Variants in STYXL2 observed in about 807,000 individuals in gnomAD.
The protein encoded by STYXL2 is serine/threonine/tyrosine interacting like 2.
In STYXL2, 44 loss-of-function variants were observed where a neutral mutation model predicts 52.4. The observed-to-expected ratio is 0.84, with a 90% CI of 0.66 to 1.08. The LOEUF (loss-of-function observed/expected upper bound fraction) is 1.08, where lower values mean the gene tolerates loss of function less well. STYXL2 is among the 50% of genes least tolerant of loss of function. The probability of loss-of-function intolerance (pLI) is 0.00; values close to 1 mark genes in which losing one functional copy is unlikely to be tolerated. For synonymous variants in STYXL2, 604 were observed against 586.9 expected (o/e 1.03, Z -0.42); for missense variants, 1,604 against 1,471.7 (o/e 1.09, Z -1.47).
chr1:167,104,437 A>T (rs996148673), intron 2 of STYXL2, among the ~76,000 whole-genome samples: 1 of 152,036 alleles, frequency 6.6e-6, no homozygotes, highest in African/African-American at 2.4e-5. Context: ...CCTTCAGTGA[A>T]TTTCTTTAAC....
Position 167,128,145 on chromosome 1 carries a change from C to T in STYXL2, c.3014C>T (p.Ser1005Leu). 3 of 1,614,222 alleles carry T rather than the reference C, an allele frequency of 1.9e-6. No individual in the cohort carries two copies. Among genetic ancestry groups the T allele is most frequent in the Non-Finnish European group, 2.5e-6 (3 of 1,180,040 alleles). The change falls in exon 6 of 6, where the codon TCA (serine) becomes TTA (leucine). Residue 1005 changes from serine to leucine, a missense_variant. By Grantham distance (145) the Ser-to-Leu change is moderately radical. Coordinates refer to ENST00000361200, the MANE Select transcript of STYXL2 (RefSeq NM_001080426.3). ...EANGNSVRST[S>L]RFSSSSTREG... ...AATGGCAACTCTGTAAGAAGCACTT[C>T]ACGGTTCTCATCTTCCTCCACCAGG...
In STYXL2 at chr1:167,128,058, C is replaced by A. The variant is rs911316197; in HGVS notation, c.2927C>A (p.Ser976Tyr). The change falls in exon 6 of 6, where the codon TCC becomes TAC. Residue 976 changes from serine (S) to tyrosine (Y), a missense_variant. By Grantham distance (144) the Ser-to-Tyr change is moderately radical (BLOSUM62 -2). Transcript: ENST00000361200. Reference sequence around the variant, plus strand: ...CTCAGGGAGACAGAGTCTAAATCCTCCAGTTACAAGTTTTCCAAATCCCAG... The same window carrying A: ...CTCAGGGAGACAGAGTCTAAATCCTACAGTTACAAGTTTTCCAAATCCCAG... ...SLLRETESKS[S>Y]SYKFSKSQSE... 1 of 1,614,190 alleles carries A rather than the reference C, an allele frequency of 6.2e-7. No homozygotes were observed. Among genetic ancestry groups the A allele is most frequent in the Admixed American group, 1.7e-5 (1 of 60,030 alleles).
Position 167,126,932 on chromosome 1 carries a change from G to A in STYXL2, c.1801G>A (p.Gly601Ser). Residue 601 changes from glycine to serine, a missense_variant, in exon 6 of 6, where the codon GGC becomes AGC. Coordinates refer to ENST00000361200, the MANE Select transcript of STYXL2 (RefSeq NM_001080426.3). ...GAAGCTGAAACACCAGAAGAAGGTG[G>A]GCAGTGAGAACAAGGAGGAGGTGGT... The part of the protein sequence containing the change: ...AWKLKHQKKV[G>S]SENKEEVVEL... 1 of 1,611,670 alleles carries A rather than the reference G, an allele frequency of 6.2e-7. No homozygotes were observed. Among genetic ancestry groups the A allele is most frequent in the Non-Finnish European group, 8.5e-7 (1 of 1,178,826 alleles).
chr1:167,122,903 G>C (rs902992180), intron 5 of STYXL2, among the ~76,000 whole-genome samples: 7 of 152,166 alleles, frequency 4.6e-5, no homozygotes, highest in Non-Finnish European at 7.4e-5. Context: ...CTGATCTCAA[G>C]TGATCCACCA....
chr1:167,122,667 T>G (rs912184633), intron 5 of STYXL2, among the ~76,000 whole-genome samples: 3 of 152,058 alleles, frequency 2.0e-5, no homozygotes, highest in African/African-American at 7.2e-5. Context: ...AAAAAATTTT[T>G]TTTTGAAGGT....
rs1571352172 is a variant in STYXL2, at chr1:167,128,771, T to C, written c.*163T>C. 1 of 1,200,434 alleles carries C rather than the reference T, an allele frequency of 8.3e-7. No individual in the cohort carries two copies. Among genetic ancestry groups the C allele is most frequent in the Non-Finnish European group, 1.1e-6 (1 of 891,574 alleles). The allele number at this position is 1,200,434 out of a possible 1,614,324, so 74.4% of individuals were successfully genotyped here. ...AAGCATAAGGGCAGCAGAGGTGGAG[T>C]AGGGAGGAGGCAAGGAGGGGGAGAA... On this transcript the variant is annotated 3_prime_UTR_variant, in exon 6 of 6. Transcript: ENST00000361200.
At chr1:167,109,912 T>G (rs905802906) in intron 2 of STYXL2, among the ~76,000 whole-genome samples, 11 of 152,192 alleles carry the variant, frequency 7.2e-5, no homozygotes, top group Admixed American at 1.3e-4. Flanking sequence ...ATAACCAGCA[T>G]TTGAGAAAAC....
At chr1:167,099,036 A>G (rs1667348887) in intron 2 of STYXL2, among the ~76,000 whole-genome samples, 1 of 152,202 alleles carries the variant, frequency 6.6e-6, no homozygotes, top group African/African-American at 2.4e-5. Flanking sequence ...AAGCCAGTGA[A>G]GCAGATTTTA....
Position 167,119,393 on chromosome 1 carries a change from T to G in STYXL2, c.582T>G (p.Phe194Leu), listed in dbSNP as rs1167656182. 1 of 1,614,190 alleles carries G rather than the reference T, an allele frequency of 6.2e-7. No homozygotes were observed. ...ACCTGGGTGTAGAGGTGGATGACTT[T>G]CCTGAGGTGGACATTTCCCAGCATT... ...IQYLGVEVDDFPEVDISQHFR... is the reference protein window; with the variant it reads ...IQYLGVEVDDLPEVDISQHFR... The change falls in exon 5 of 6, where the codon TTT becomes TTG. Residue 194 changes from phenylalanine to leucine, a missense_variant. Physicochemically the swap from Phe to Leu is conservative, Grantham distance 22. Coordinates refer to ENST00000361200, the MANE Select transcript of STYXL2 (RefSeq NM_001080426.3).
Position 167,119,450 on chromosome 1 carries a change from G to C in STYXL2, c.639G>C (p.Ala213=). The C allele has an allele frequency of 6.2e-7, 1 of 1,614,094 alleles. No individual in the cohort carries two copies. ...FRKASEFLDE[A]LLTYRGKVLV... is the part of the protein sequence containing the mutation. The stretch of plus-strand genomic sequence containing the variant: ...AGGCGTCTGAGTTCCTGGATGAGGC[G>C]CTGCTGACTTACAGAGGTGAGAGGG... Residue 213 remains alanine, a synonymous_variant, in exon 5 of 6, where the codon GCG becomes GCC. Transcript: ENST00000361200.
intron 2 of STYXL2, among the ~76,000 whole-genome samples, chr1:167,103,617 A>G (rs1421053591): frequency 6.6e-6 from 1 of 152,220 alleles, no homozygotes; most frequent in Non-Finnish European, 1.5e-5. Flanking sequence ...AACACCTTAA[A>G]TTCAAACCTA....
chr1:167,121,276 G>C (rs1413043748), intron 5 of STYXL2, among the ~76,000 whole-genome samples: 1 of 152,122 alleles, frequency 6.6e-6, no homozygotes, highest in African/African-American at 2.4e-5. Context: ...GCCTCCAAAA[G>C]TGCTGGAATT....
rs185198806 is a variant in STYXL2, at chr1:167,128,947, C to G, written c.*339C>G. ...AGCTTGGAAAAGCACTGTAGTTTGT[C>G]AGAGACTCCAGTTTACATCCAGAAA... is the stretch of plus-strand genomic sequence containing the variant. On this transcript the variant is annotated 3_prime_UTR_variant, in exon 6 of 6. Coordinates refer to ENST00000361200, the MANE Select transcript of STYXL2 (RefSeq NM_001080426.3). 42 of 232,890 alleles carry G rather than the reference C, an allele frequency of 1.8e-4. No individual in the cohort carries two copies. Among genetic ancestry groups the G allele is most frequent in the African/African-American group, 7.3e-4 (32 of 44,030 alleles). 14.4% of individuals were successfully genotyped at this position (232,890 alleles called of 1,614,324 possible). A position where few individuals can be genotyped will look rare whatever the true frequency, so the allele number is the denominator to read the frequency against.
chr1:167,123,713 T>A (rs2479363), intron 5 of STYXL2, among the ~76,000 whole-genome samples: 17,523 of 152,162 alleles, frequency 0.12, 1,121 homozygotes, highest in Non-Finnish European at 0.14. Context: ...AGCCTTTGCC[T>A]CCTGGGTTTA....
intron 5 of STYXL2, among the ~76,000 whole-genome samples, chr1:167,122,112 T>G (rs1460960426): frequency 6.6e-6 from 1 of 152,098 alleles, no homozygotes; most frequent in East Asian, 1.9e-4. Flanking sequence ...AGTTGAGACC[T>G]ATGGAAGATT....
intron 1 of STYXL2, 80 bp from the exon 2 acceptor site, chr1:167,094,754 A>T: frequency 1.1e-6 from 1 of 930,388 alleles, no homozygotes; most frequent in Admixed American, 2.1e-5. Context: ...CACTGAGGTG[A>T]CATCACCAAC....
intron 2 of STYXL2, among the ~76,000 whole-genome samples, chr1:167,110,858 C>T (rs1571337871): frequency 1.3e-5 from 2 of 152,246 alleles, no homozygotes. Flanking sequence ...CCCAACCCCT[C>T]TCTTGTAGAA....
At chr1:167,101,800 C>CAAAAAAAAA (rs35645209) in intron 2 of STYXL2, among the ~76,000 whole-genome samples, 1 of 141,104 alleles carries the variant, frequency 7.1e-6, no homozygotes, top group Non-Finnish European at 1.5e-5. Context: ...CAGTCCATCT[C>CAAAAAAAAA]AAAAAAGAAA....
rs767502047 is a variant in STYXL2 at position 167,117,364 on chromosome 1, G to A, written c.242G>A (p.Cys81Tyr). ...CCGGGGGTCAGAGCAGACGCAGAGTGTCCAGGCATGCTGGAGTCTGCTGAA... is the reference window on the plus strand; with the variant it reads ...CCGGGGGTCAGAGCAGACGCAGAGTATCCAGGCATGCTGGAGTCTGCTGAA... Reference protein sequence around the residue: ...KPPGVRADAECPGMLESAEQL... With the variant: ...KPPGVRADAEYPGMLESAEQL... The change falls in exon 4 of 6, where the codon TGT (cysteine) becomes TAT (tyrosine). Residue 81 changes from cysteine to tyrosine, a missense_variant. Transcript: ENST00000361200. The A allele has an allele frequency of 1.2e-6, 2 of 1,611,850 alleles. No homozygotes were observed. The highest frequency in any genetic ancestry group is 4.5e-5 in the East Asian group (2 of 44,800).
Sources: allele counts gnomAD v4.1 joint callset (sites outside exome capture counted in the v4.1 genomes callset), GRCh38; gene constraint gnomAD v4.1.1; transcripts MANE v1.5; gene names NCBI Gene and HGNC (gene_info 2026-07-23, HGNC 2026-07-21).